GRAMD1B: variants seen among roughly 807,000 people sequenced by gnomAD.
GRAMD1B encodes GRAM domain containing 1B, also known as protein Aster-B.
In GRAMD1B, 37 loss-of-function variants were observed where a neutral mutation model predicts 99.7. The observed-to-expected ratio is 0.37, with a 90% CI of 0.29 to 0.49. The LOEUF (loss-of-function observed/expected upper bound fraction) is 0.49, where lower values mean the gene tolerates loss of function less well. Ranked by LOEUF, GRAMD1B falls within the 20% of genes least tolerant of loss-of-function variation. The pLI, the probability that GRAMD1B is intolerant of heterozygous loss-of-function variation, is 0.98. For missense variants in GRAMD1B, 888 were observed against 1,009.2 expected (o/e 0.88, Z 1.63); for synonymous variants, 427 against 387.6 (o/e 1.10, Z -1.19).
chr11:123,364,351 G>T lies in GRAMD1B; in HGVS notation c.-176+5552G>T, dbSNP rs560100557. On this transcript the variant is annotated intron_variant, in intron 1 of 20. Coordinates refer to the GRAMD1B transcript ENST00000638157. The stretch of plus-strand genomic sequence containing the variant: ...CTATTCCCTGCAGTGACTATAAAAA[G>T]GTATCTTCGTCTCTGACGCAGGGAG... Among the ~76,000 whole-genome samples, 27 of 152,288 alleles carry T rather than the reference G, an allele frequency of 1.8e-4. No homozygotes were observed. The East Asian group carries it at 4.1e-3, about 23-fold the overall frequency.
At chr11:123,475,343 A>G (rs907528501) in intron 1 of GRAMD1B, among the ~76,000 whole-genome samples, 6 of 152,296 alleles carry the variant, frequency 3.9e-5, no homozygotes, top group South Asian at 2.1e-4. Flanking sequence ...ACCTTCCAGG[A>G]TAAGCTCCTG....
At chr11:123,456,919 C>CAAA (rs546768047) in intron 1 of GRAMD1B, among the ~76,000 whole-genome samples, 2 of 81,820 alleles carry the variant, frequency 2.4e-5, no homozygotes, top group Non-Finnish European at 4.7e-5. Flanking sequence ...GACTCTGTCT[C>CAAA]AAAAAAAAAA....
At chr11:123,598,187 G>A in intron 7 of GRAMD1B, 1 of 1,489,082 alleles carries the variant, frequency 6.7e-7, no homozygotes, top group Non-Finnish European at 9.4e-7. Context: ...AAGTGCCGCT[G>A]GAAGGCTTTG....
At chr11:123,364,242 C>T (rs1288911345) in intron 1 of GRAMD1B, among the ~76,000 whole-genome samples, 2 of 152,198 alleles carry the variant, frequency 1.3e-5, no homozygotes, top group South Asian at 2.1e-4. Flanking sequence ...CAGTTGGACT[C>T]GGAAAGGAGC....
upstream of GRAMD1B, among the ~76,000 whole-genome samples, chr11:123,427,403 G>T (rs1023135610): frequency 7.2e-5 from 11 of 152,330 alleles, no homozygotes; most frequent in African/African-American, 2.2e-4. Flanking sequence ...GGAAGACACA[G>T]TGTGATGTAT....
In GRAMD1B at chr11:123,618,792, C is replaced by G. The variant is rs1468849604; in HGVS notation, c.2418C>G (p.Leu806=). 2 of 1,527,006 alleles carry G rather than the reference C, an allele frequency of 1.3e-6. No homozygotes were observed. Among genetic ancestry groups the G allele is most frequent in the Non-Finnish European group, 1.8e-6 (2 of 1,116,996 alleles). 94.6% of individuals were successfully genotyped at this position (1,527,006 alleles called of 1,614,324 possible). The change falls in exon 18 of 20, where the codon CTC becomes CTG. Residue 806 remains leucine, a synonymous_variant. Coordinates refer to ENST00000635736, the MANE Select transcript of GRAMD1B (RefSeq NM_001387025.1). ...QTLTAWQGLR[L]QERLPQSQTE... Reference sequence around the variant, plus strand: ...TCACTGCCTGGCAGGGTCTAAGGCTCCAAGAAAGGTAATCCTGGCCTCGTC... The same window carrying G: ...TCACTGCCTGGCAGGGTCTAAGGCTGCAAGAAAGGTAATCCTGGCCTCGTC...
rs147328189 is a variant in GRAMD1B at position 123,536,547 on chromosome 11, G to A, written c.453-40820G>A. 4.0e-3 allele frequency among the ~76,000 whole-genome samples: 607 copies of A among 152,250 alleles called. 10 individuals are homozygous for A. The highest frequency in any genetic ancestry group is 0.014 in the African/African-American group (579 of 41,540). ...GTTGATGCTCTTGGGATGGGGCCTG[G>A]CACGTTATAAAAGTTAGCTGCCCCT... is the stretch of plus-strand genomic sequence containing the variant. On this transcript the variant is annotated intron_variant, in intron 2 of 19. Coordinates refer to ENST00000635736, the MANE Select transcript of GRAMD1B (RefSeq NM_001387025.1).
At position 123,430,605 on chromosome 11, in the gene GRAMD1B, C is replaced by T; in HGVS notation, c.-188C>T. 2.1e-6 allele frequency: 1 copy of T among 473,570 alleles called. No individual in the cohort carries two copies. The highest frequency in any genetic ancestry group is 3.8e-5 in the South Asian group (1 of 26,488). The allele number at this position is 473,570 out of a possible 1,614,324, so 29.3% of individuals were successfully genotyped here. Reference sequence around the variant, plus strand: ...ACGCGCGCTCCGAAAAGTTAGACTCCGGGCGGCGGCGCGCTACGCCGCGTC... The same window carrying T: ...ACGCGCGCTCCGAAAAGTTAGACTCTGGGCGGCGGCGCGCTACGCCGCGTC... On this transcript the variant is annotated 5_prime_UTR_variant, in exon 1 of 20. Coordinates refer to ENST00000635736, the MANE Select transcript of GRAMD1B (RefSeq NM_001387025.1).
chr11:123,400,008 A>G (rs1011580759), intron 1 of GRAMD1B, among the ~76,000 whole-genome samples: 1 of 152,200 alleles, frequency 6.6e-6, no homozygotes, highest in Non-Finnish European at 1.5e-5. Context: ...TGTCTTCTTT[A>G]GAGAAATGTC....
chr11:123,569,667 A>T (rs1214097562), intron 2 of GRAMD1B, among the ~76,000 whole-genome samples: 1 of 152,170 alleles, frequency 6.6e-6, no homozygotes, highest in Non-Finnish European at 1.5e-5. Flanking sequence ...GGAAAATTCG[A>T]AGGGGAGTTG....
chr11:123,363,803 T>C (rs1946228400), intron 1 of GRAMD1B, among the ~76,000 whole-genome samples: 1 of 152,246 alleles, frequency 6.6e-6, no homozygotes, highest in African/African-American at 2.4e-5. Context: ...GCTGGCATAA[T>C]GATGCACATC....
chr11:123,577,440 C>A lies in GRAMD1B; in HGVS notation c.526C>A (p.Pro176Thr). 6.2e-7 allele frequency: 1 copy of A among 1,603,058 alleles called. No individual in the cohort carries two copies. The highest frequency in any genetic ancestry group is 8.5e-7 in the Non-Finnish European group (1 of 1,175,172). The change falls in exon 3 of 20, where the codon CCG (proline) becomes ACG (threonine). Residue 176 changes from proline (P) to threonine (T), a missense_variant. This residue lies in a region of GRAMD1B where 233 missense variants were observed against 154.6 expected (regional missense o/e 1.51). Transcript: ENST00000635736. ...ILRKRSRSPT[P>T]QNQDGDTMVE... ...CCGGAAGCGGTCTCGCTCGCCAACC[C>A]CGCAGAACCAGGACGGAGACACCAT...
At chr11:123,578,148 G>A (rs902473750) in intron 3 of GRAMD1B, among the ~76,000 whole-genome samples, 5 of 152,034 alleles carry the variant, frequency 3.3e-5, no homozygotes, top group Admixed American at 3.3e-4. Flanking sequence ...ATAGGCCCCA[G>A]GGGGGCCTGG....
chr11:123,580,614 A>T (rs1022130394), intron 3 of GRAMD1B, among the ~76,000 whole-genome samples: 10 of 151,904 alleles, frequency 6.6e-5, no homozygotes, highest in African/African-American at 1.9e-4. Flanking sequence ...CTAAGGCCCG[A>T]CCCCTCTGGA....
chr11:123,593,181 G>A (rs1266132922), intron 4 of GRAMD1B, among the ~76,000 whole-genome samples: 1 of 151,454 alleles, frequency 6.6e-6, no homozygotes, highest in African/African-American at 2.4e-5. Flanking sequence ...GCAGTGAGCC[G>A]AGATCACACC....
rs540132701 is a variant in GRAMD1B, at chr11:123,560,581, T to A, written c.453-16786T>A. 3.6e-5 allele frequency: 17 copies of A among 477,756 alleles called. No homozygotes were observed. The African/African-American group carries it at 4.1e-4, about 11-fold the overall frequency. The allele number at this position is 477,756 out of a possible 1,614,324, so 29.6% of individuals were successfully genotyped here. ...CCCGCTCCCCGCCCCCGCCCCCCAC[T>A]GCCCAATGCATGAATGAATGAGTTC... is the stretch of plus-strand genomic sequence containing the variant. On this transcript the variant is annotated intron_variant, in intron 2 of 19. Transcript: ENST00000635736.
intron 8 of GRAMD1B, among the ~76,000 whole-genome samples, chr11:123,602,301 AATT>A (rs4063750): frequency 0.05 from 7,537 of 150,376 alleles, 234 homozygotes; most frequent in African/African-American, 0.084. Context: ...GGAGCTCTCA[AATT>A]ATTATTATTA....
intron 1 of GRAMD1B, among the ~76,000 whole-genome samples, chr11:123,395,925 A>C (rs1287238392): frequency 1.3e-5 from 2 of 152,214 alleles, no homozygotes; most frequent in Non-Finnish European, 2.9e-5. Flanking sequence ...TGGGAAACTC[A>C]AAGGAGGTAT....
intron 2 of GRAMD1B, among the ~76,000 whole-genome samples, chr11:123,569,091 T>G (rs1322873514): frequency 6.6e-6 from 1 of 151,034 alleles, no homozygotes; most frequent in Admixed American, 6.6e-5. Flanking sequence ...TGCTGTCTGT[T>G]AACTCCTTGG....
Sources: gnomAD v4.1 joint callset for allele counts (sites outside exome capture counted in the v4.1 genomes callset) on GRCh38, gnomAD v4.1.1 for gene constraint, gnomAD v4.1.1 regional missense constraint, MANE v1.5 for transcripts, NCBI Gene and HGNC (gene_info 2026-07-23, HGNC 2026-07-21) for gene names.